The following LRP6 variants were observed in gnomAD, a reference collection of about 807,000 sequenced individuals.
The protein encoded by LRP6 is low-density lipoprotein receptor-related protein 6.
A neutral mutation model predicts 184.1 loss-of-function variants in LRP6; 43 were observed. The ratio of observed to expected loss-of-function variants is 0.23; its 90% CI spans 0.18 to 0.30. The LOEUF (loss-of-function observed/expected upper bound fraction) is 0.30, where lower values mean the gene tolerates loss of function less well. Ranked by LOEUF, LRP6 falls within the 10% of genes least tolerant of loss-of-function variation. The pLI is 1.00. For missense variants in LRP6, 1,571 were observed against 2,005.3 expected, an observed-to-expected ratio of 0.78 and a Z score of 4.14; for synonymous variants, 719 against 684.9, an observed-to-expected ratio of 1.05 and a Z score of -0.78.
intron 7 of LRP6, among the ~76,000 whole-genome samples, chr12:12,171,542 AATAAATAAATAAATAAAT>A (rs753628431): frequency 9.9e-5 from 14 of 141,008 alleles, no homozygotes; most frequent in Non-Finnish European, 2.0e-4. Context: ...AAAATAAATA[AATAAATAAATAAATAAAT>A]AAATAAATAA....
rs376932334 is a variant in LRP6 at position 12,147,430 on chromosome 12, G to T, written c.3333C>A (p.Ser1111Arg). The T allele has an allele frequency of 6.2e-6, 10 of 1,614,022 alleles. No homozygotes were observed. In the African/African-American group the frequency reaches 1.3e-4, roughly 22 times the overall value. ...LSKPIALALD[S>R]RLGKLFWADS... ...CAGCCCAAAAGAGCTTGCCCAGCCT[G>T]CTATCAAGGGCTAAAGCAATTGGTT... The change falls in exon 15 of 23, where the codon AGC becomes AGA. Residue 1111 changes from serine (S) to arginine (R), a missense_variant. Around this residue, in one of 4 missense-constraint regions of LRP6, gnomAD observed 763 missense variants for 859.5 expected, o/e 0.89. Transcript: ENST00000261349.
At chr12:12,146,120 C>G (rs1044644396) in intron 15 of LRP6, among the ~76,000 whole-genome samples, 1 of 152,222 alleles carries the variant, frequency 6.6e-6, no homozygotes, top group African/African-American at 2.4e-5. Flanking sequence ...ATTCCATACA[C>G]TGATAGAATG....
At chr12:12,155,106 G>A (rs1424915075) in intron 12 of LRP6, among the ~76,000 whole-genome samples, 1 of 152,196 alleles carries the variant, frequency 6.6e-6, no homozygotes, top group South Asian at 2.1e-4. Flanking sequence ...TAAGACAGGA[G>A]AATCACTTGA....
intron 15 of LRP6, chr12:12,138,865 TGGTGGTGGACCCAGA>T: frequency 7.3e-7 from 1 of 1,377,654 alleles, no homozygotes; most frequent in Non-Finnish European, 9.7e-7. Context: ...GGAGGAGCAG[TGGTGGTGGACCCAGA>T]GTTCTGAGTA....
At chr12:12,204,434 AT>A (rs1309156662) in intron 2 of LRP6, among the ~76,000 whole-genome samples, 1 of 152,094 alleles carries the variant, frequency 6.6e-6, no homozygotes, top group Non-Finnish European at 1.5e-5. Flanking sequence ...GGCAAAACTG[AT>A]GTAGTGTCAA....
At chr12:12,172,619 C>A (rs1392745857) in intron 7 of LRP6, among the ~76,000 whole-genome samples, 3 of 152,160 alleles carry the variant, frequency 2.0e-5, no homozygotes, top group Non-Finnish European at 4.4e-5. Context: ...ATGTTCCAGA[C>A]AATATCCAAA....
At chr12:12,156,995 G>A (rs1862599027) in intron 12 of LRP6, among the ~76,000 whole-genome samples, 3 of 152,172 alleles carry the variant, frequency 2.0e-5, no homozygotes, top group Admixed American at 2.0e-4. Context: ...TATTGCCTGA[G>A]GCTGCTCTCA....
chr12:12,151,774 C>G lies in LRP6; in HGVS notation c.2792-736G>C, dbSNP rs542513981. On this transcript the variant is annotated intron_variant, in intron 12 of 22. Coordinates refer to ENST00000261349, the MANE Select transcript of LRP6 (RefSeq NM_002336.3). ...CCCAAGCTGGTCTCGAACTCCTGGG[C>G]TCAAGCAATCCTCCCACCTTGGCCT... Among the ~76,000 whole-genome samples the G allele has an allele frequency of 4.0e-3, 609 of 152,184 alleles. 6 individuals are homozygous for G. The highest frequency in any genetic ancestry group is 0.014 in the African/African-American group (599 of 41,510).
At chr12:12,158,515 A>C (rs1004253154) in intron 12 of LRP6, among the ~76,000 whole-genome samples, 12 of 151,986 alleles carry the variant, frequency 7.9e-5, no homozygotes, top group African/African-American at 2.9e-4. Context: ...TGTAGAGGCA[A>C]GGTCTCGCTA....
chr12:12,196,766 T>C (rs1863774212), intron 3 of LRP6, among the ~76,000 whole-genome samples: 1 of 152,166 alleles, frequency 6.6e-6, no homozygotes, highest in Non-Finnish European at 1.5e-5. Context: ...CCAGCTGATA[T>C]ACAGCCTTGA....
Position 12,266,711 on chromosome 12 carries a change from G to C in LRP6, c.25C>G (p.Leu9Val). The change falls in exon 1 of 23, where the codon CTG becomes GTG. Residue 9 changes from leucine (L) to valine (V), a missense_variant. By Grantham distance (32) the Leu-to-Val change is conservative (BLOSUM62 1). This residue lies in a region of LRP6 where 640 missense variants were observed against 851.9 expected (regional missense o/e 0.75). Transcript: ENST00000261349. MGAVLRSL[L>V]ACSFCVLLRA... ...AGGAGCACACAGAAGCTGCAGGCCA[G>C]GAGGCTCCTCAGGACGGCCCCCATC... The C allele has an allele frequency of 6.2e-7, 1 of 1,613,706 alleles. No homozygotes were observed. Among genetic ancestry groups the C allele is most frequent in the Non-Finnish European group, 8.5e-7 (1 of 1,179,898 alleles).
intron 12 of LRP6, among the ~76,000 whole-genome samples, chr12:12,157,255 A>T (rs1862612223): frequency 6.6e-6 from 1 of 152,008 alleles, no homozygotes; most frequent in Admixed American, 6.6e-5. Context: ...TTTCCCACAC[A>T]GAACTCATTA....
At chr12:12,129,230 C>T (rs1242286779) in intron 19 of LRP6, among the ~76,000 whole-genome samples, 1 of 152,194 alleles carries the variant, frequency 6.6e-6, no homozygotes, top group Non-Finnish European at 1.5e-5. Context: ...TCACCTCCAA[C>T]CCACTGGCTT....
At chr12:12,135,051 G>A in intron 17 of LRP6, 124 bp downstream of exon 17, 2 of 1,355,444 alleles carry the variant, frequency 1.5e-6, no homozygotes, top group East Asian at 4.6e-5. Flanking sequence ...CAAATGAATG[G>A]AACACACGCA....
intron 15 of LRP6, among the ~76,000 whole-genome samples, chr12:12,145,620 TTTTC>T (rs1180870752): frequency 1.1e-5 from 1 of 90,342 alleles, no homozygotes; most frequent in East Asian, 6.6e-4. Context: ...TCTTTTTTCT[TTTTC>T]TTTTTTTTTT....
At chr12:12,135,118 T>C in intron 17 of LRP6, 57 bp downstream of exon 17, 1 of 1,611,258 alleles carries the variant, frequency 6.2e-7, no homozygotes, top group African/African-American at 1.3e-5. Context: ...AGTCTAGGCT[T>C]AAGATATGGA....
chr12:12,257,779 C>CAACAAAA (rs1865505111), intron 1 of LRP6, among the ~76,000 whole-genome samples: 1 of 35,320 alleles, frequency 2.8e-5, no homozygotes, highest in South Asian at 2.3e-3. Context: ...CCTGTCTCTA[C>CAACAAAA]AAAAAAAAAA....
intron 22 of LRP6, among the ~76,000 whole-genome samples, 196 bp from the exon 23 acceptor site, chr12:12,121,616 A>G (rs567045466): frequency 2.8e-4 from 43 of 152,190 alleles, no homozygotes; most frequent in Admixed American, 2.0e-4. Context: ...TTATTTGCAA[A>G]TAAGAAAGTG....
Position 12,186,454 on chromosome 12 carries a change from C to A in LRP6, c.844+469G>T, listed in dbSNP as rs139827689. 8.7e-3 allele frequency among the ~76,000 whole-genome samples: 1,330 copies of A among 152,194 alleles called. 20 individuals are homozygous for A. The highest frequency in any genetic ancestry group is 0.013 in the Non-Finnish European group (916 of 68,008). Reference sequence around the variant, plus strand: ...AGTGCAGTGGCACAATCTCGGCTCACTGCAATCTCCACCTTCCGGGTTCAA... The same window carrying A: ...AGTGCAGTGGCACAATCTCGGCTCAATGCAATCTCCACCTTCCGGGTTCAA... On this transcript the variant is annotated intron_variant, in intron 4 of 22. Transcript: ENST00000261349.
Sources: allele counts gnomAD v4.1 joint callset (sites outside exome capture counted in the v4.1 genomes callset), GRCh38; gene constraint gnomAD v4.1.1; regional missense constraint gnomAD v4.1.1; transcripts MANE v1.5; gene names NCBI Gene and HGNC (gene_info 2026-07-23, HGNC 2026-07-21).